Variants in CCDC178 observed in about 807,000 individuals in gnomAD.
CCDC178 encodes the protein coiled-coil domain-containing protein 178.
In CCDC178, 126 loss-of-function variants were observed where a neutral mutation model predicts 117.4. That is an observed-to-expected ratio of 1.07 (90% CI 0.93 to 1.24). CCDC178 has a LOEUF of 1.24. CCDC178 is among the 50% of genes most tolerant of loss of function. The pLI is 0.00. For synonymous variants in CCDC178, 283 were observed against 313.4 expected (o/e 0.90, Z 1.02); for missense variants, 1,030 against 986.9 (o/e 1.04, Z -0.59).
chr18:32,973,171 C>G (rs1460854015), intron 22 of CCDC178, among the ~76,000 whole-genome samples: 2 of 152,004 alleles, frequency 1.3e-5, no homozygotes, highest in African/African-American at 4.8e-5. Flanking sequence ...TAGAGAATCA[C>G]TTTACTGATA....
chr18:33,261,487 T>C (rs548955338), intron 14 of CCDC178, among the ~76,000 whole-genome samples: 1 of 152,212 alleles, frequency 6.6e-6, no homozygotes, highest in Non-Finnish European at 1.5e-5. Context: ...CTGGGTAGTA[T>C]TATCAGACAC....
chr18:33,144,438 T>A (rs1478647087), intron 20 of CCDC178, among the ~76,000 whole-genome samples: 1 of 152,096 alleles, frequency 6.6e-6, no homozygotes, highest in Non-Finnish European at 1.5e-5. Context: ...AATATTAAGT[T>A]CTTTACAAAT....
rs201959675 is a variant in CCDC178, at chr18:32,974,611, T to C, written c.2459A>G (p.Gln820Arg). The C allele has an allele frequency of 1.8e-4, 296 of 1,613,352 alleles. No individual in the cohort carries two copies. Among genetic ancestry groups the C allele is most frequent in the Middle Eastern group, 4.9e-4 (3 of 6,078 alleles). ...EHFKLVVLFSQMRLANFQTDS... is the reference protein window; with the variant it reads ...EHFKLVVLFSRMRLANFQTDS... ...TGTCTGGAAGTTGGCCAGCCTCATCTGGCTGAAGAGGACCACCAGTTTGAA... is the reference window on the plus strand; with the variant it reads ...TGTCTGGAAGTTGGCCAGCCTCATCCGGCTGAAGAGGACCACCAGTTTGAA... Residue 820 changes from glutamine to arginine, a missense_variant, in exon 22 of 23, where the codon CAG becomes CGG. Transcript: ENST00000383096.
chr18:33,231,883 T>C (rs2144652216), intron 15 of CCDC178, among the ~76,000 whole-genome samples: 1 of 152,290 alleles, frequency 6.6e-6, no homozygotes, highest in African/African-American at 2.4e-5. Flanking sequence ...GCCTCTTCCA[T>C]GCTTGTTCCT....
intron 21 of CCDC178, among the ~76,000 whole-genome samples, chr18:33,020,534 C>T (rs1365777885): frequency 6.6e-6 from 1 of 152,098 alleles, no homozygotes; most frequent in East Asian, 1.9e-4. Flanking sequence ...AGTCCATGAG[C>T]CCACTTTGCT....
intron 12 of CCDC178, among the ~76,000 whole-genome samples, chr18:33,274,866 C>T (rs774938331): frequency 4.6e-5 from 7 of 152,022 alleles, no homozygotes; most frequent in Non-Finnish European, 7.4e-5. Context: ...ATGAGCACAC[C>T]TTAAGCATTG....
At chr18:32,958,962 A>G (rs1397778424) in intron 22 of CCDC178, among the ~76,000 whole-genome samples, 1 of 152,068 alleles carries the variant, frequency 6.6e-6, no homozygotes, top group African/African-American at 2.4e-5. Flanking sequence ...GAGTCTCTGG[A>G]CCCGTAACTC....
At chr18:33,074,580 C>A (rs2057171409) in intron 21 of CCDC178, among the ~76,000 whole-genome samples, 1 of 152,116 alleles carries the variant, frequency 6.6e-6, no homozygotes, top group Admixed American at 6.5e-5. Flanking sequence ...GGAAGCTGAG[C>A]AGAGTAAAAG....
rs186955917 is a variant in CCDC178 at position 33,268,937 on chromosome 18, C to A, written c.1177-1640G>T. ...AAGAGTGCACTTTGTGGTGTTTCACCTTCTAGTCCTATCACTTCAGCTCCA... is the reference window on the plus strand; with the variant it reads ...AAGAGTGCACTTTGTGGTGTTTCACATTCTAGTCCTATCACTTCAGCTCCA... On this transcript the variant is annotated intron_variant, in intron 12 of 22. Transcript: ENST00000383096. Among the ~76,000 whole-genome samples, 201 of 151,850 alleles carry A rather than the reference C, an allele frequency of 1.3e-3. 3 individuals are homozygous for A. The highest frequency in any genetic ancestry group is 1.4e-3 in the Non-Finnish European group (97 of 67,832).
intron 21 of CCDC178, among the ~76,000 whole-genome samples, chr18:33,037,194 G>T (rs576376407): frequency 6.6e-6 from 1 of 151,902 alleles, no homozygotes; most frequent in African/African-American, 2.4e-5. Context: ...TTGAAAAATT[G>T]TTTTATTTAC....
chr18:33,167,201 T>C (rs2058542913), intron 20 of CCDC178, among the ~76,000 whole-genome samples: 2 of 152,128 alleles, frequency 1.3e-5, no homozygotes, highest in Admixed American at 1.3e-4. Flanking sequence ...TTAGGTTGAT[T>C]CCATCTCTTT....
chr18:33,201,665 GTA>G (rs2058990443), intron 20 of CCDC178, among the ~76,000 whole-genome samples: 1 of 152,152 alleles, frequency 6.6e-6, no homozygotes, highest in Non-Finnish European at 1.5e-5. Context: ...GCCGTGGGTT[GTA>G]TTAAGGTGAA....
chr18:33,172,680 G>A (rs926576044), intron 20 of CCDC178, among the ~76,000 whole-genome samples: 1 of 151,878 alleles, frequency 6.6e-6, no homozygotes, highest in African/African-American at 2.4e-5. Context: ...GCTTATCTTC[G>A]TTCAACTGTA....
chr18:33,295,442 T>C lies in CCDC178; in HGVS notation c.1023-2130A>G, dbSNP rs1310023076. 6.6e-5 allele frequency among the ~76,000 whole-genome samples: 10 copies of C among 152,212 alleles called. No homozygotes were observed. In the South Asian group the frequency reaches 1.9e-3, roughly 28 times the overall value. Reference sequence around the variant, plus strand: ...ATGAATAAAAGAAAAAAGTGATAAGTAGAATTTTAGAAAAATTAAGAACTT... The same window carrying C: ...ATGAATAAAAGAAAAAAGTGATAAGCAGAATTTTAGAAAAATTAAGAACTT... On this transcript the variant is annotated intron_variant, in intron 11 of 22. Transcript: ENST00000383096.
chr18:32,964,811 A>T (rs573555097), intron 22 of CCDC178, among the ~76,000 whole-genome samples: 61 of 152,090 alleles, frequency 4.0e-4, no homozygotes, highest in African/African-American at 1.3e-3. Context: ...GAGATTTTTT[A>T]AAAAAGTTTA....
intron 7 of CCDC178, among the ~76,000 whole-genome samples, chr18:33,353,953 A>G (rs1568170596): frequency 6.6e-6 from 1 of 152,190 alleles, no homozygotes; most frequent in East Asian, 1.9e-4. Flanking sequence ...GACTACTTAT[A>G]GGATTTCTTA....
chr18:33,089,924 T>C (rs998584111), intron 21 of CCDC178, among the ~76,000 whole-genome samples: 5 of 152,208 alleles, frequency 3.3e-5, no homozygotes, highest in African/African-American at 1.2e-4. Flanking sequence ...TTTTGACATC[T>C]GAGAAGTCTT....
intron 2 of CCDC178, among the ~76,000 whole-genome samples, chr18:33,434,305 T>A (rs967826047): frequency 6.6e-6 from 1 of 152,140 alleles, no homozygotes; most frequent in African/African-American, 2.4e-5. Context: ...ATAAGCAGCA[T>A]TGGGAATTTA....
chr18:33,340,904 C>G (rs138168591), intron 9 of CCDC178, among the ~76,000 whole-genome samples: 3 of 152,236 alleles, frequency 2.0e-5, no homozygotes, highest in African/African-American at 7.2e-5. Flanking sequence ...GGAGTTGGAG[C>G]CCCCAACAGA....
Sources: allele counts gnomAD v4.1 joint callset (sites outside exome capture counted in the v4.1 genomes callset), GRCh38; gene constraint gnomAD v4.1.1; transcripts MANE v1.5; gene names NCBI Gene and HGNC (gene_info 2026-07-23, HGNC 2026-07-21).